CEP162: variants seen among roughly 807,000 people sequenced by gnomAD.
CEP162 encodes centrosomal protein 162, also known as centrosomal protein of 162 kDa.
Under a neutral mutation model 169.2 loss-of-function variants are expected in CEP162, and 141 were observed. The observed-to-expected ratio is 0.83, with a 90% CI of 0.73 to 0.96. The LOEUF (loss-of-function observed/expected upper bound fraction) is 0.96. Among genes scored for constraint, CEP162 ranks in the 40% least tolerant of loss-of-function variants. The pLI, the probability that CEP162 is intolerant of heterozygous loss-of-function variation, is 0.00. For synonymous variants in CEP162, 540 were observed against 526.4 expected, an observed-to-expected ratio of 1.03 and a Z score of -0.35; for missense variants, 1,600 against 1,587.2, an observed-to-expected ratio of 1.01 and a Z score of -0.14.
At chr6:84,165,580 A>C (rs1415509503) in intron 18 of CEP162, among the ~76,000 whole-genome samples, 2 of 152,096 alleles carry the variant, frequency 1.3e-5, no homozygotes, top group Non-Finnish European at 2.9e-5. Context: ...TATTAGGCTG[A>C]AGGCTCTACG....
intron 15 of CEP162, 81 bp from the exon 16 acceptor site, chr6:84,174,269 T>C (rs2099531394): frequency 1.8e-6 from 2 of 1,108,470 alleles, no homozygotes; most frequent in South Asian, 3.1e-5. Flanking sequence ...AGGAAACTCC[T>C]ATTTAGATCG....
intron 6 of CEP162, 61 bp downstream of exon 6, chr6:84,212,896 T>C: frequency 1.0e-6 from 1 of 994,030 alleles, no homozygotes; most frequent in South Asian, 1.6e-5. Flanking sequence ...CTTATTAATG[T>C]CTTTATTAAA....
At chr6:84,166,131 T>C (rs1009708267) in intron 18 of CEP162, among the ~76,000 whole-genome samples, 1 of 152,210 alleles carries the variant, frequency 6.6e-6, no homozygotes, top group African/African-American at 2.4e-5. Flanking sequence ...AAAGTGAGTA[T>C]GCCTCATGTT....
At chr6:84,153,778 G>A (rs987585455) in intron 22 of CEP162, among the ~76,000 whole-genome samples, 3 of 152,148 alleles carry the variant, frequency 2.0e-5, no homozygotes, top group Non-Finnish European at 4.4e-5. Context: ...GCAACATGCA[G>A]GTTCTAGCAA....
intron 13 of CEP162, among the ~76,000 whole-genome samples, chr6:84,178,188 T>C (rs1210168376): frequency 1.3e-5 from 2 of 152,202 alleles, no homozygotes; most frequent in African/African-American, 4.8e-5. Flanking sequence ...TATGAGATAT[T>C]TGGCTATTTA....
chr6:84,196,110 C>A (rs2099542018), intron 9 of CEP162, among the ~76,000 whole-genome samples: 1 of 152,120 alleles, frequency 6.6e-6, no homozygotes, highest in Admixed American at 6.5e-5. Flanking sequence ...TGTCCCCACC[C>A]AAATCTCATC....
intron 25 of CEP162, among the ~76,000 whole-genome samples, chr6:84,145,796 C>T (rs1038840378): frequency 2.6e-5 from 4 of 152,216 alleles, no homozygotes; most frequent in East Asian, 3.9e-4. Context: ...CCTATTGCTG[C>T]GTGTCTTATA....
intron 8 of CEP162, among the ~76,000 whole-genome samples, chr6:84,201,112 A>G (rs528796406): frequency 6.6e-6 from 1 of 152,290 alleles, no homozygotes; most frequent in Admixed American, 6.5e-5. Context: ...CCCCGTCTCT[A>G]TTAAAAATAC....
At chr6:84,217,887 G>A (rs2099552180) in intron 3 of CEP162, 1 of 152,200 alleles carries the variant, frequency 6.6e-6, no homozygotes, top group Non-Finnish European at 1.5e-5. Context: ...CAGTAGATAG[G>A]TGGTCTGATA....
At chr6:84,193,732 A>AG in intron 10 of CEP162, 42 bp from the exon 11 acceptor site, 1 of 1,276,792 alleles carries the variant, frequency 7.8e-7, no homozygotes, top group Non-Finnish European at 1.1e-6. Flanking sequence ...AATGTTATGT[A>AG]GGTTGCTTAA....
At chr6:84,163,100 C>T (rs371128274) in intron 19 of CEP162, 44 bp downstream of exon 19, 3 of 1,584,838 alleles carry the variant, frequency 1.9e-6, no homozygotes, top group African/African-American at 1.4e-5. Context: ...AACATTAGAA[C>T]AGTTATGATT....
intron 8 of CEP162, 83 bp from the exon 9 acceptor site, chr6:84,200,988 T>G (rs2099544208): frequency 2.3e-6 from 2 of 879,570 alleles, no homozygotes; most frequent in East Asian, 5.2e-5. Context: ...TTTAAACATA[T>G]GCAATGCAGG....
At chr6:84,217,685 G>C (rs978502821) in intron 3 of CEP162, 1 of 152,364 alleles carries the variant, frequency 6.6e-6, no homozygotes, top group African/African-American at 2.4e-5. Flanking sequence ...GATGTGGCAG[G>C]CAAGATTTTT....
chr6:84,171,820 A>G (rs2099530257), intron 16 of CEP162, 102 bp from the exon 17 acceptor site: 3 of 431,194 alleles, frequency 7.0e-6, no homozygotes, highest in South Asian at 1.1e-4. Flanking sequence ...CGGCCTTTTA[A>G]GTTTCTTTAG....
In CEP162 at chr6:84,125,212, C is replaced by T; in HGVS notation, c.4070G>A (p.Arg1357Lys). ...CTCACGATTCTTTAACTGTGCCAGT[C>T]TTTTCCATTTTTCAACTTCTTTGTT... is the stretch of plus-strand genomic sequence containing the variant. ...EQNKEVEKWK[R>K]LAQLKNRELE... Residue 1357 changes from arginine (R) to lysine (K), a missense_variant, in exon 27 of 27, where the codon AGA (arginine) becomes AAA (lysine). By Grantham distance (26) the Arg-to-Lys change is conservative. Transcript: ENST00000403245. 6.2e-7 allele frequency: 1 copy of T among 1,613,628 alleles called. No homozygotes were observed.
Position 84,190,740 on chromosome 6 carries a change from G to A in CEP162, c.1109+2869C>T, listed in dbSNP as rs112466072. On this transcript the variant is annotated intron_variant, in intron 11 of 26. Coordinates refer to ENST00000403245, the MANE Select transcript of CEP162 (RefSeq NM_014895.4). ...CTCCAGACGCGCCACCTTAAGAGCTGTAACACTCACCGCGAGCGTCCGCGG... is the reference window on the plus strand; with the variant it reads ...CTCCAGACGCGCCACCTTAAGAGCTATAACACTCACCGCGAGCGTCCGCGG... Among the ~76,000 whole-genome samples, 567 of 152,364 alleles carry A rather than the reference G, an allele frequency of 3.7e-3. 1 individual carries two copies. Among genetic ancestry groups the A allele is most frequent in the African/African-American group, 0.013 (535 of 41,588 alleles).
At chr6:84,138,444 T>C (rs1179725607) in intron 25 of CEP162, among the ~76,000 whole-genome samples, 1 of 152,152 alleles carries the variant, frequency 6.6e-6, no homozygotes, top group East Asian at 1.9e-4. Flanking sequence ...TGAGAGGAAA[T>C]GCCTCATAAT....
chr6:84,180,987 A>G (rs1334477301), intron 13 of CEP162, among the ~76,000 whole-genome samples: 1 of 152,216 alleles, frequency 6.6e-6, no homozygotes, highest in Non-Finnish European at 1.5e-5. Flanking sequence ...CAGAATTGGA[A>G]AAAACTACTT....
At chr6:84,172,810 C>T (rs1204353025) in intron 16 of CEP162, among the ~76,000 whole-genome samples, 1 of 152,008 alleles carries the variant, frequency 6.6e-6, no homozygotes, top group Non-Finnish European at 1.5e-5. Context: ...GTTCAAGTTA[C>T]AGTTGTCAAA....
Sources: allele counts gnomAD v4.1 joint callset (sites outside exome capture counted in the v4.1 genomes callset), GRCh38; gene constraint gnomAD v4.1.1; transcripts MANE v1.5; gene names NCBI Gene and HGNC (gene_info 2026-07-23, HGNC 2026-07-21).